Variants in PIBF1 observed in about 807,000 individuals in gnomAD.
The protein encoded by PIBF1 is progesterone immunomodulatory binding factor 1.
A neutral mutation model predicts 112.5 loss-of-function variants in PIBF1; 90 were observed. The ratio of observed to expected loss-of-function variants is 0.80; its 90% CI spans 0.67 to 0.95. PIBF1 has a LOEUF of 0.95. Ranked by LOEUF, PIBF1 falls within the 40% of genes least tolerant of loss-of-function variation. The pLI, the probability that PIBF1 is intolerant of heterozygous loss-of-function variation, is 0.00. For missense variants in PIBF1, 915 were observed against 852.3 expected, an observed-to-expected ratio of 1.07 and a Z score of -0.92; for synonymous variants, 301 against 288.6, an observed-to-expected ratio of 1.04 and a Z score of -0.44.
intron 16 of PIBF1, among the ~76,000 whole-genome samples, chr13:72,986,538 T>C (rs2043291791): frequency 6.6e-6 from 1 of 152,148 alleles, no homozygotes; most frequent in South Asian, 2.1e-4. Flanking sequence ...TGTGAAAGAA[T>C]GTTTCAGGTG....
intron 2 of PIBF1, among the ~76,000 whole-genome samples, chr13:72,790,463 A>ACACC (rs1555280999): frequency 6.9e-6 from 1 of 144,270 alleles, no homozygotes; most frequent in Non-Finnish European, 1.5e-5. Flanking sequence ...ACACACACAC[A>ACACC]CTTATAGATA....
chr13:72,797,538 A>G (rs1227278009), intron 4 of PIBF1, among the ~76,000 whole-genome samples: 2 of 152,184 alleles, frequency 1.3e-5, no homozygotes, highest in Non-Finnish European at 2.9e-5. Context: ...CCATGCATTT[A>G]TATGGGGGAA....
At chr13:72,849,603 A>G (rs1355684858) in intron 9 of PIBF1, among the ~76,000 whole-genome samples, 1 of 152,254 alleles carries the variant, frequency 6.6e-6, no homozygotes, top group Non-Finnish European at 1.5e-5. Context: ...GCTAATGTAT[A>G]GTATATTCAC....
At chr13:72,899,248 G>T (rs2040395618) in intron 11 of PIBF1, among the ~76,000 whole-genome samples, 1 of 152,104 alleles carries the variant, frequency 6.6e-6, no homozygotes, top group Non-Finnish European at 1.5e-5. Flanking sequence ...GATAGAGAAA[G>T]AAGGAACCCT....
intron 15 of PIBF1, among the ~76,000 whole-genome samples, chr13:72,970,391 A>G (rs537501871): frequency 6.6e-5 from 10 of 152,302 alleles, no homozygotes; most frequent in Non-Finnish European, 1.3e-4. Context: ...TGGAAAGAGA[A>G]TAATTAGCAT....
intron 17 of PIBF1, among the ~76,000 whole-genome samples, chr13:73,015,299 G>A (rs998018962): frequency 6.6e-6 from 1 of 152,170 alleles, no homozygotes; most frequent in African/African-American, 2.4e-5. Context: ...GCCAAAATAG[G>A]AACTTTGACT....
intron 6 of PIBF1, 116 bp downstream of exon 6, chr13:72,822,098 A>C (rs1373579312): frequency 1.0e-5 from 9 of 869,332 alleles, no homozygotes; most frequent in Non-Finnish European, 1.5e-5. Flanking sequence ...TCTTCTTTGC[A>C]CAAATGCATG....
intron 17 of PIBF1, among the ~76,000 whole-genome samples, chr13:73,011,439 AAAG>A (rs1349693044): frequency 6.6e-6 from 1 of 151,896 alleles, no homozygotes; most frequent in African/African-American, 2.4e-5. Context: ...GGGAGGGAAA[AAAG>A]AACATTTTGA....
At chr13:72,931,555 T>G (rs2041696958) in intron 14 of PIBF1, among the ~76,000 whole-genome samples, 1 of 151,904 alleles carries the variant, frequency 6.6e-6, no homozygotes, top group Non-Finnish European at 1.5e-5. Context: ...TTGGCAAACT[T>G]TGGTGACATT....
rs116962326 is a variant in PIBF1 at position 72,805,780 on chromosome 13, C to T, written c.672+7754C>T. Among the ~76,000 whole-genome samples, 1,297 of 152,254 alleles carry T rather than the reference C, an allele frequency of 8.5e-3. 66 individuals are homozygous for T. Among genetic ancestry groups the T allele is most frequent in the East Asian group, 8.9e-3 (46 of 5,162 alleles). On this transcript the variant is annotated intron_variant, in intron 5 of 17. Coordinates refer to ENST00000326291, the MANE Select transcript of PIBF1 (RefSeq NM_006346.4). ...AATTGCTTGAAAGCTGGTAAATTGC[C>T]TGCCTGAGTCTAGAAACTAAAGACC...
chr13:72,856,251 G>A (rs2038416130), intron 10 of PIBF1, among the ~76,000 whole-genome samples: 1 of 152,154 alleles, frequency 6.6e-6, no homozygotes, highest in South Asian at 2.1e-4. Context: ...GTCCAATTTA[G>A]TGTTGTTGTG....
chr13:72,957,008 TA>T (rs914203117), intron 14 of PIBF1, among the ~76,000 whole-genome samples: 1 of 152,112 alleles, frequency 6.6e-6, no homozygotes, highest in Non-Finnish European at 1.5e-5. Flanking sequence ...AAAAAATTTT[TA>T]AAAAATAGAT....
At chr13:72,930,506 A>G (rs367762194) in intron 13 of PIBF1, among the ~76,000 whole-genome samples, 2 of 152,190 alleles carry the variant, frequency 1.3e-5, no homozygotes, top group South Asian at 2.1e-4. Flanking sequence ...TATTCTTAAA[A>G]TTGTTTCTTA....
chr13:72,968,111 G>C (rs143920792), intron 15 of PIBF1, among the ~76,000 whole-genome samples: 17,376 of 151,338 alleles, frequency 0.11, 2,860 homozygotes, highest in African/African-American at 0.37. Flanking sequence ...GTGAACCTGG[G>C]AGGCAGAGCT....
At chr13:72,800,519 T>C (rs2035417155) in intron 5 of PIBF1, among the ~76,000 whole-genome samples, 1 of 152,220 alleles carries the variant, frequency 6.6e-6, no homozygotes, top group African/African-American at 2.4e-5. Flanking sequence ...TAAAAAACAG[T>C]CTGTCTCCTA....
chr13:72,790,514 GATAGATAGATAGATA>G (rs2034861832), intron 2 of PIBF1, among the ~76,000 whole-genome samples: 2 of 11,892 alleles, frequency 1.7e-4, no homozygotes, highest in Non-Finnish European at 6.9e-4. Context: ...CACACACATA[GATAGATAGATAGATA>G]GATAGATAGA....
At chr13:72,843,086 T>G (rs2138250552) in intron 9 of PIBF1, among the ~76,000 whole-genome samples, 1 of 152,236 alleles carries the variant, frequency 6.6e-6, no homozygotes, top group East Asian at 1.9e-4. Context: ...TGGGCCAGAT[T>G]TTAAAGGTTC....
At chr13:72,881,716 GAAA>G in intron 10 of PIBF1, among the ~76,000 whole-genome samples, 1 of 99,610 alleles carries the variant, frequency 1.0e-5, no homozygotes. Context: ...ACTCCATCTT[GAAA>G]AAAAAAAAAA....
intron 16 of PIBF1, among the ~76,000 whole-genome samples, chr13:72,988,590 C>A (rs151070512): frequency 1.7e-4 from 26 of 152,144 alleles, no homozygotes; most frequent in African/African-American, 6.0e-4. Flanking sequence ...GTTTAAAATT[C>A]TTGTTGAGCA....
Sources: allele counts gnomAD v4.1 joint callset (sites outside exome capture counted in the v4.1 genomes callset), GRCh38; gene constraint gnomAD v4.1.1; transcripts MANE v1.5; gene names NCBI Gene and HGNC (gene_info 2026-07-23, HGNC 2026-07-21).